Variants in PCDH11Y observed in about 807,000 individuals in gnomAD.
PCDH11Y encodes protocadherin-11 Y-linked.
For synonymous variants in PCDH11Y, 9 were observed against 83.6 expected (o/e 0.11, Z 4.87); for missense variants, 12 against 224.8 (o/e 0.05, Z 6.05).
At chrY:5,632,129 A>G (rs2053512828) in intron 4 of PCDH11Y, among the ~76,000 whole-genome samples, 1 of 32,720 alleles carries the variant, frequency 3.1e-5, no homozygotes, top group South Asian at 6.9e-4. Flanking sequence ...TGATGTATCC[A>G]ATGTTTTTAG....
At chrY:5,055,943 A>G (rs2124627770), upstream of PCDH11Y, 1 of 30,691 alleles carries the variant, frequency 3.3e-5, no homozygotes, top group East Asian at 8.6e-4. Context: ...ATAGATGTGA[A>G]AACCCATTTT....
chrY:5,577,295 T>C (rs2053447062), intron 3 of PCDH11Y, among the ~76,000 whole-genome samples: 1 of 31,993 alleles, frequency 3.1e-5, no homozygotes, highest in Non-Finnish European at 7.6e-5. Flanking sequence ...GCTTGTGGAC[T>C]AGGAAGATTT....
At chrY:5,313,909 C>T in intron 2 of PCDH11Y, among the ~76,000 whole-genome samples, 1 of 33,148 alleles carries the variant, frequency 3.0e-5, no homozygotes, top group African/African-American at 1.2e-4. Context: ...CAAATAATGA[C>T]CAATCTAAAT....
chrY:5,622,022 A>G, intron 4 of PCDH11Y, among the ~76,000 whole-genome samples: 1 of 33,120 alleles, frequency 3.0e-5, no homozygotes, highest in South Asian at 6.7e-4. Flanking sequence ...AACAAAAGCA[A>G]TAATTGACAA....
At chrY:5,341,461 T>C (rs2124668835) in intron 2 of PCDH11Y, among the ~76,000 whole-genome samples, 16 of 32,599 alleles carry the variant, frequency 4.9e-4, no homozygotes, top group Admixed American at 4.0e-3. Flanking sequence ...CAGTGTTATA[T>C]AGTATGTAGA....
intron 4 of PCDH11Y, among the ~76,000 whole-genome samples, chrY:5,633,937 G>A: frequency 1.3e-4 from 4 of 29,718 alleles, no homozygotes; most frequent in African/African-American, 5.4e-4. Context: ...TCACCTGGCC[G>A]GGCGTGGTGG....
intron 4 of PCDH11Y, among the ~76,000 whole-genome samples, chrY:5,672,952 G>A: frequency 3.3e-5 from 1 of 30,050 alleles, no homozygotes; most frequent in Non-Finnish European, 8.0e-5. Flanking sequence ...AGGTTTTGGT[G>A]TTATATTTCC....
rs1602933790 is a variant in PCDH11Y at position 5,494,786 on chromosome Y, C to A, written c.3130-6271C>A. On this transcript the variant is annotated intron_variant, in intron 2 of 4. Coordinates refer to the PCDH11Y transcript ENST00000400457. ...CAGTGAGGCCGGGAGCAGTGGCTCA[C>A]GCCTGTAATCTCAGCACTTTGGGAG... Among the ~76,000 whole-genome samples, 9 of 33,337 alleles carry A rather than the reference C, an allele frequency of 2.7e-4. No homozygotes were observed. In the East Asian group the frequency reaches 4.0e-3, roughly 15 times the overall value. 89.4% of individuals were successfully genotyped at this position (33,337 alleles called of 37,273 possible).
At chrY:5,134,915 C>A (rs2052837328) in intron 2 of PCDH11Y, among the ~76,000 whole-genome samples, 1 of 33,294 alleles carries the variant, frequency 3.0e-5, no homozygotes, top group African/African-American at 1.2e-4. Flanking sequence ...CACACTGCTG[C>A]AAATTCCACA....
intron 2 of PCDH11Y, among the ~76,000 whole-genome samples, chrY:5,476,154 T>C: frequency 3.1e-5 from 1 of 31,905 alleles, no homozygotes; most frequent in Non-Finnish European, 7.6e-5. Flanking sequence ...TAAATGAACC[T>C]TAGCTTTCTA....
At chrY:5,309,002 C>T in intron 2 of PCDH11Y, among the ~76,000 whole-genome samples, 3 of 30,999 alleles carry the variant, frequency 9.7e-5, no homozygotes, top group Non-Finnish European at 2.3e-4. Flanking sequence ...ATCGCTTGAA[C>T]CAGGGAAGCA....
intron 1 of PCDH11Y, among the ~76,000 whole-genome samples, chrY:5,005,961 G>T: frequency 3.1e-5 from 1 of 31,848 alleles, no homozygotes; most frequent in Non-Finnish European, 7.6e-5. Context: ...GTCTTTTGCT[G>T]TTTTAGTTCA....
chrY:5,337,620 G>T (rs2053139804), intron 2 of PCDH11Y: 2 of 103,455 alleles, frequency 1.9e-5, no homozygotes, highest in Admixed American at 2.3e-4. Context: ...GCCTCAAAAA[G>T]TGACATTTAT....
intron 1 of PCDH11Y, among the ~76,000 whole-genome samples, chrY:5,007,739 G>A (rs2052542078): frequency 5.1e-5 from 1 of 19,436 alleles, no homozygotes; most frequent in Middle Eastern, 0.019. Context: ...TGAAGTTCCC[G>A]CTGATGAAAT....
At chrY:5,440,933 G>C (rs2574072) in intron 2 of PCDH11Y, among the ~76,000 whole-genome samples, 1 of 25,115 alleles carries the variant, frequency 4.0e-5, no homozygotes, top group Admixed American at 3.8e-4. Context: ...GCCATATTTA[G>C]TGAAGATATT....
intron 2 of PCDH11Y, among the ~76,000 whole-genome samples, chrY:5,228,669 C>T (rs2124653466): frequency 2.4e-4 from 8 of 32,806 alleles, no homozygotes; most frequent in African/African-American, 4.7e-4. Context: ...TTCTTAATTT[C>T]GTCATTGACC....
chrY:5,116,982 A>G, intron 2 of PCDH11Y, among the ~76,000 whole-genome samples: 1 of 32,545 alleles, frequency 3.1e-5, no homozygotes. Flanking sequence ...ACATATAGAC[A>G]TGGGAAGTGT....
At chrY:5,704,260 C>T (rs1602962369) in intron 4 of PCDH11Y, among the ~76,000 whole-genome samples, 2 of 31,612 alleles carry the variant, frequency 6.3e-5, no homozygotes, top group East Asian at 8.3e-4. Flanking sequence ...GATGGATTAG[C>T]GCATTCATGA....
intron 1 of PCDH11Y, among the ~76,000 whole-genome samples, chrY:5,026,338 A>G: frequency 7.6e-4 from 21 of 27,663 alleles, no homozygotes; most frequent in African/African-American, 3.0e-3. Context: ...TCAACATGAT[A>G]TAATCAGAGA....
Sources: allele counts gnomAD v4.1 joint callset (sites outside exome capture counted in the v4.1 genomes callset), GRCh38; gene constraint gnomAD v4.1.1; transcripts MANE v1.5; gene names NCBI Gene and HGNC (gene_info 2026-07-23, HGNC 2026-07-21).